The following VRK1 variants were observed in gnomAD, a reference collection of about 807,000 sequenced individuals.
The protein encoded by VRK1 is serine/threonine-protein kinase VRK1.
VRK1 carries 33 observed loss-of-function variants against 57.1 expected under a neutral mutation model. The ratio of observed to expected loss-of-function variants is 0.58; its 90% CI spans 0.44 to 0.77. The LOEUF (loss-of-function observed/expected upper bound fraction) is 0.77, where lower values mean the gene tolerates loss of function less well. Ranked by LOEUF, VRK1 falls within the 30% of genes least tolerant of loss-of-function variation. The pLI, the probability that VRK1 is intolerant of heterozygous loss-of-function variation, is 0.00. For synonymous variants in VRK1, 137 were observed against 147.8 expected, an observed-to-expected ratio of 0.93 and a Z score of 0.53; for missense variants, 413 against 477.3, an observed-to-expected ratio of 0.87 and a Z score of 1.25.
chr14:96,821,773 G>A (rs1194388240), intron 1 of VRK1, among the ~76,000 whole-genome samples: 3 of 152,094 alleles, frequency 2.0e-5, no homozygotes, highest in South Asian at 4.1e-4. Context: ...TGTTGGGCAT[G>A]TTCTCCACCT....
intron 10 of VRK1, among the ~76,000 whole-genome samples, chr14:96,857,542 C>T (rs1392376870): frequency 6.6e-6 from 1 of 152,012 alleles, no homozygotes; most frequent in East Asian, 1.9e-4. Context: ...ACATGAACTG[C>T]TTATCCTGAG....
At chr14:96,865,520 A>G (rs1410478911) in intron 11 of VRK1, among the ~76,000 whole-genome samples, 1 of 152,162 alleles carries the variant, frequency 6.6e-6, no homozygotes, top group Non-Finnish European at 1.5e-5. Context: ...GAATTTACAT[A>G]CAAATTTTAG....
At chr14:96,852,752 A>C in intron 5 of VRK1, 79 bp from the exon 6 acceptor site, 1 of 997,696 alleles carries the variant, frequency 1.0e-6, no homozygotes. Context: ...TCTTGAAAAA[A>C]TTACTTTGAG....
chr14:96,816,244 C>T (rs1292004306), intron 1 of VRK1, among the ~76,000 whole-genome samples: 1 of 152,126 alleles, frequency 6.6e-6, no homozygotes, highest in Non-Finnish European at 1.5e-5. Context: ...TCACAGAATA[C>T]CTTCAACAAA....
chr14:96,860,522 T>C (rs1301245841), intron 10 of VRK1, 35 bp from the exon 11 acceptor site: 3 of 1,584,114 alleles, frequency 1.9e-6, no homozygotes, highest in South Asian at 2.3e-5. Flanking sequence ...GAGAAATATA[T>C]TGAAAGTTAT....
chr14:96,800,460 C>T (rs974022011), intron 1 of VRK1, among the ~76,000 whole-genome samples: 7 of 152,048 alleles, frequency 4.6e-5, no homozygotes, highest in Admixed American at 3.3e-4. Flanking sequence ...GAGGTACGAG[C>T]GATGGCCCTT....
intron 3 of VRK1, among the ~76,000 whole-genome samples, chr14:96,841,553 G>A (rs1201803395): frequency 2.0e-5 from 3 of 152,110 alleles, no homozygotes; most frequent in Non-Finnish European, 4.4e-5. Context: ...CTAGAAGAAT[G>A]TCATAAACAA....
At chr14:96,846,014 G>A in intron 3 of VRK1, 81 bp from the exon 4 acceptor site, 1 of 1,237,822 alleles carries the variant, frequency 8.1e-7, no homozygotes, top group South Asian at 1.2e-5. Flanking sequence ...AAATAGATTT[G>A]TTGGTCTTTT....
chr14:96,874,171 G>C (rs1888935337), intron 11 of VRK1, among the ~76,000 whole-genome samples: 1 of 152,206 alleles, frequency 6.6e-6, no homozygotes, highest in Non-Finnish European at 1.5e-5. Flanking sequence ...AAGCAATATA[G>C]TACTGAAATA....
intron 10 of VRK1, among the ~76,000 whole-genome samples, chr14:96,856,908 C>T (rs1484236596): frequency 2.0e-5 from 3 of 152,052 alleles, no homozygotes; most frequent in Admixed American, 1.3e-4. Flanking sequence ...GCGGAGGTTG[C>T]AGTGAGCCGA....
chr14:96,812,112 C>CT (rs2139698193), intron 1 of VRK1, among the ~76,000 whole-genome samples: 1 of 152,258 alleles, frequency 6.6e-6, no homozygotes, highest in South Asian at 2.1e-4. Context: ...TGTGTTAATA[C>CT]TTTATTTCTT....
chr14:96,808,022 T>TCTCTCTCTCC (rs1566683641), intron 1 of VRK1, among the ~76,000 whole-genome samples: 7,380 of 45,708 alleles, frequency 0.16, 296 homozygotes, highest in East Asian at 0.37. Flanking sequence ...TCCCTCTGTG[T>TCTCTCTCTCC]GTGTGTGTGT....
intron 3 of VRK1, among the ~76,000 whole-genome samples, chr14:96,839,398 A>G (rs1463970456): frequency 2.0e-5 from 3 of 152,124 alleles, no homozygotes; most frequent in Non-Finnish European, 2.9e-5. Context: ...GAAGATGTCT[A>G]TTTAAACTTA....
intron 1 of VRK1, among the ~76,000 whole-genome samples, chr14:96,806,566 C>A (rs1292291321): frequency 2.0e-5 from 3 of 152,120 alleles, no homozygotes; most frequent in Admixed American, 2.0e-4. Context: ...CAAATATTGA[C>A]TGCTGTGTGA....
At chr14:96,855,438 T>A in intron 8 of VRK1, 82 bp downstream of exon 8, 9 of 1,599,146 alleles carry the variant, frequency 5.6e-6, no homozygotes, top group Non-Finnish European at 7.7e-6. Flanking sequence ...TATGCATAAG[T>A]AAATGAATAG....
At chr14:96,866,981 C>A (rs558065259) in intron 11 of VRK1, among the ~76,000 whole-genome samples, 2 of 152,254 alleles carry the variant, frequency 1.3e-5, no homozygotes, top group South Asian at 4.1e-4. Flanking sequence ...AATTTATGTT[C>A]TTTTCTCACG....
chr14:96,845,239 C>T (rs1887634793), intron 3 of VRK1, among the ~76,000 whole-genome samples: 1 of 151,720 alleles, frequency 6.6e-6, no homozygotes, highest in African/African-American at 2.4e-5. Context: ...AAATAATGAC[C>T]AACACAAAAT....
Position 96,860,577 on chromosome 14 carries a change from G to A in VRK1, c.910G>A (p.Glu304Lys). The A allele has an allele frequency of 2.5e-6, 4 of 1,612,772 alleles. No homozygotes were observed. The highest frequency in any genetic ancestry group is 3.4e-6 in the Non-Finnish European group (4 of 1,179,216). Residue 304 changes from glutamate (E) to lysine (K), a missense_variant, in exon 11 of 13, where the codon GAA (glutamate) becomes AAA (lysine). By Grantham distance (56) the Glu-to-Lys change is moderately conservative. Around this residue, in one of 3 missense-constraint regions of VRK1, gnomAD observed 146 missense variants for 138.2 expected, o/e 1.06. Transcript: ENST00000216639. ...NKPGEIAKYM[E>K]TVKLLDYTEK... is the part of the protein sequence containing the mutation. Reference sequence around the variant, plus strand: ...TTTAGGTGAAATTGCCAAATACATGGAAACAGTGAAATTACTAGACTACAC... The same window carrying A: ...TTTAGGTGAAATTGCCAAATACATGAAAACAGTGAAATTACTAGACTACAC...
intron 4 of VRK1, 126 bp downstream of exon 4, chr14:96,846,290 T>G: frequency 3.3e-6 from 3 of 906,326 alleles, no homozygotes; most frequent in Non-Finnish European, 3.5e-6. Flanking sequence ...TAAATTCCAC[T>G]TACATGGGAT....
Sources: gnomAD v4.1 joint callset for allele counts (sites outside exome capture counted in the v4.1 genomes callset) on GRCh38, gnomAD v4.1.1 for gene constraint, gnomAD v4.1.1 regional missense constraint, MANE v1.5 for transcripts, NCBI Gene and HGNC (gene_info 2026-07-23, HGNC 2026-07-21) for gene names.